Variants in FGD5 observed in about 807,000 individuals in gnomAD.
FGD5 encodes FYVE, RhoGEF and PH domain-containing protein 5.
A neutral mutation model predicts 133.4 loss-of-function variants in FGD5; 28 were observed. The ratio of observed to expected loss-of-function variants is 0.21; its 90% confidence interval spans 0.16 to 0.29. The LOEUF (loss-of-function observed/expected upper bound fraction) is 0.29. Among genes scored for constraint, FGD5 ranks in the 10% least tolerant of loss-of-function variants. The pLI, the probability that FGD5 is intolerant of heterozygous loss-of-function variation, is 1.00. For synonymous variants in FGD5, 810 were observed against 776.5 expected (o/e 1.04, Z -0.72); for missense variants, 1,858 against 1,895.2 (o/e 0.98, Z 0.36).
At chr3:14,878,962 C>T (rs1239311212) in intron 2 of FGD5, among the ~76,000 whole-genome samples, 1 of 152,188 alleles carries the variant, frequency 6.6e-6, no homozygotes, top group African/African-American at 2.4e-5. Context: ...CCGCCTTAGC[C>T]TCCCAAAGTG....
intron 4 of FGD5, chr3:14,897,302 G>A (rs2038155993): frequency 1.7e-6 from 1 of 581,692 alleles, no homozygotes; most frequent in African/African-American, 1.9e-5. Context: ...TGCTCTTTGG[G>A]TGTCAGCTCA....
intron 1 of FGD5, among the ~76,000 whole-genome samples, chr3:14,861,121 A>G (rs1437017221): frequency 2.6e-5 from 4 of 152,236 alleles, no homozygotes; most frequent in Admixed American, 6.5e-5. Flanking sequence ...GAGGCAAATG[A>G]TAGAACAGCT....
rs972003267 is a variant in FGD5 at position 14,934,566 on chromosome 3, C to T, written c.*1399C>T. 6.6e-6 allele frequency: 1 copy of T among 152,176 alleles called. No homozygotes were observed. Among genetic ancestry groups the T allele is most frequent in the Non-Finnish European group, 1.5e-5 (1 of 68,034 alleles). The allele number at this position is 152,176 out of a possible 1,614,324, so 9.4% of individuals were successfully genotyped here. A position where few individuals can be genotyped will look rare whatever the true frequency, so the allele number is the denominator to read the frequency against. On this transcript the variant is annotated 3_prime_UTR_variant, in exon 20 of 20. Transcript: ENST00000285046. ...CATTAAACATGTAACTAATGGTTCA[C>T]ACTAAGTGATTAGACAGTGTTCTTG...
At chr3:14,893,070 G>A (rs982559096) in intron 4 of FGD5, among the ~76,000 whole-genome samples, 6 of 152,248 alleles carry the variant, frequency 3.9e-5, no homozygotes, top group Non-Finnish European at 7.4e-5. Context: ...CACCCAAGCC[G>A]TGTATTTACA....
At chr3:14,836,139 G>A (rs1383382469) in intron 1 of FGD5, among the ~76,000 whole-genome samples, 1 of 152,212 alleles carries the variant, frequency 6.6e-6, no homozygotes, top group Non-Finnish European at 1.5e-5. Flanking sequence ...GTGAGAGCAC[G>A]GAGACCCTGG....
intron 1 of FGD5, among the ~76,000 whole-genome samples, chr3:14,852,140 G>A (rs532315170): frequency 8.4e-4 from 128 of 152,202 alleles, no homozygotes; most frequent in African/African-American, 2.7e-3. Context: ...ACAAAAATGC[G>A]TACACAGATA....
intron 12 of FGD5, 93 bp from the exon 13 acceptor site, chr3:14,918,661 C>A (rs2038610078): frequency 7.9e-7 from 1 of 1,273,104 alleles, no homozygotes; most frequent in South Asian, 1.2e-5. Context: ...AGTAGGTGGA[C>A]ATGGTCCCTC....
chr3:14,827,996 G>A (rs183351809), intron 1 of FGD5, among the ~76,000 whole-genome samples: 137 of 152,308 alleles, frequency 9.0e-4, no homozygotes, highest in Middle Eastern at 6.8e-3. Context: ...AGGAGTTTGT[G>A]TTTGGGCCAC....
upstream of FGD5, chr3:14,818,858 A>G: frequency 4.6e-6 from 6 of 1,308,320 alleles, no homozygotes; most frequent in Non-Finnish European, 6.0e-6. Context: ...GATGGACGGA[A>G]CCATCTGTGG....
chr3:14,829,875 A>C (rs992608570), intron 1 of FGD5, among the ~76,000 whole-genome samples: 7 of 152,272 alleles, frequency 4.6e-5, no homozygotes, highest in Admixed American at 3.3e-4. Flanking sequence ...TGCTGAAGTG[A>C]TTCTCTAAGA....
intron 1 of FGD5, among the ~76,000 whole-genome samples, chr3:14,824,612 C>G (rs141270962): frequency 7.5e-4 from 114 of 152,320 alleles, no homozygotes; most frequent in Middle Eastern, 3.4e-3. Context: ...GTTTGCTCAT[C>G]TGTAAAATGG....
intron 18 of FGD5, among the ~76,000 whole-genome samples, chr3:14,926,970 A>G (rs1300126880): frequency 1.3e-5 from 2 of 152,206 alleles, no homozygotes; most frequent in Non-Finnish European, 2.9e-5. Context: ...GATGCTAGCA[A>G]ATGTGCAAAA....
At chr3:14,868,373 C>T (rs1332055679) in intron 2 of FGD5, among the ~76,000 whole-genome samples, 1 of 152,182 alleles carries the variant, frequency 6.6e-6, no homozygotes, top group Non-Finnish European at 1.5e-5. Context: ...CAGGTCTGCT[C>T]CTGCCCAGCA....
chr3:14,834,602 G>A (rs890737358), intron 1 of FGD5, among the ~76,000 whole-genome samples: 1 of 152,126 alleles, frequency 6.6e-6, no homozygotes, highest in African/African-American at 2.4e-5. Flanking sequence ...TCACATAGTC[G>A]GGCTTTTGAT....
At chr3:14,818,502 G>A (rs1055994622), upstream of FGD5, among the ~76,000 whole-genome samples, 3 of 152,184 alleles carry the variant, frequency 2.0e-5, no homozygotes, top group African/African-American at 7.2e-5. Flanking sequence ...CTGCAGTGCT[G>A]TGCGTGTAGC....
At chr3:14,846,803 A>G (rs1474110964) in intron 1 of FGD5, among the ~76,000 whole-genome samples, 1 of 152,224 alleles carries the variant, frequency 6.6e-6, no homozygotes, top group Non-Finnish European at 1.5e-5. Context: ...GGAGGTGACA[A>G]TGCCTACCTT....
intron 9 of FGD5, among the ~76,000 whole-genome samples, chr3:14,903,928 G>C (rs2125137539): frequency 6.6e-6 from 1 of 152,234 alleles, no homozygotes; most frequent in African/African-American, 2.4e-5. Context: ...TGATGAGCTT[G>C]ACAGTTTTCA....
chr3:14,832,021 CAG>C (rs1193316903), intron 1 of FGD5, among the ~76,000 whole-genome samples: 1 of 152,100 alleles, frequency 6.6e-6, no homozygotes, highest in East Asian at 1.9e-4. Flanking sequence ...ATGGCAGAAC[CAG>C]AGAGGCAGCA....
upstream of FGD5, among the ~76,000 whole-genome samples, chr3:14,817,712 T>C (rs1235444807): frequency 6.6e-6 from 1 of 152,206 alleles, no homozygotes; most frequent in Non-Finnish European, 1.5e-5. Flanking sequence ...GGAGCCAGGC[T>C]GTTATTTTGA....
Sources: gnomAD v4.1 joint callset for allele counts (sites outside exome capture counted in the v4.1 genomes callset) on GRCh38, gnomAD v4.1.1 for gene constraint, MANE v1.5 for transcripts, NCBI Gene and HGNC (gene_info 2026-07-23, HGNC 2026-07-21) for gene names.